Variants in CLEC2A observed in about 807,000 individuals in gnomAD.
CLEC2A encodes the protein keratinocyte-associated C-type lectin.
Under a neutral mutation model 18.6 loss-of-function variants are expected in CLEC2A, and 19 were observed. The ratio of observed to expected loss-of-function variants is 1.02; its 90% CI spans 0.71 to 1.50. The LOEUF (loss-of-function observed/expected upper bound fraction) is 1.50. Among genes scored for constraint, CLEC2A ranks in the 40% most tolerant of loss-of-function variants. The probability of loss-of-function intolerance (pLI) is 0.00; values close to 1 mark genes in which losing one functional copy is unlikely to be tolerated. For missense variants in CLEC2A, 190 were observed against 207.9 expected (o/e 0.91, Z 0.53); for synonymous variants, 74 against 64.0 (o/e 1.16, Z -0.75).
At chr12:9,910,839 C>T (rs80284879), downstream of CLEC2A, among the ~76,000 whole-genome samples, 179 of 152,192 alleles carry the variant, frequency 1.2e-3, 3 homozygotes, top group East Asian at 0.026. Context: ...GAGAGTGTGA[C>T]GCATCTCCTC....
downstream of CLEC2A, among the ~76,000 whole-genome samples, chr12:9,895,179 A>G (rs113772440): frequency 9.6e-3 from 1,465 of 152,300 alleles, 19 homozygotes; most frequent in African/African-American, 0.034. Flanking sequence ...AACTCACATC[A>G]TTATAGCATA....
chr12:9,891,975 T>C, the CLEC2A span, among the ~76,000 whole-genome samples: 4 of 152,208 alleles, frequency 2.6e-5, no homozygotes, highest in Admixed American at 6.5e-5. Context: ...TAAGCATTTA[T>C]TATATACAAA....
the CLEC2A span, among the ~76,000 whole-genome samples, chr12:9,885,737 T>C: frequency 3.9e-5 from 6 of 152,184 alleles, no homozygotes; most frequent in South Asian, 1.2e-3. Context: ...CTACTTAATG[T>C]ATTTTTTCTC....
At chr12:9,901,686 T>C (rs563942143) in intron 4 of CLEC2A, among the ~76,000 whole-genome samples, 2 of 152,288 alleles carry the variant, frequency 1.3e-5, no homozygotes, top group Admixed American at 6.5e-5. Flanking sequence ...TGAATTTTGA[T>C]TTTGGGAAGG....
chr12:9,921,769 A>C (rs1863176754), intron 3 of CLEC2A, among the ~76,000 whole-genome samples: 1 of 152,222 alleles, frequency 6.6e-6, no homozygotes, highest in Non-Finnish European at 1.5e-5. Context: ...TTATTAAGAA[A>C]ATCACAAGAA....
At chr12:9,904,674 G>A (rs888665976) in intron 4 of CLEC2A, among the ~76,000 whole-genome samples, 12 of 152,096 alleles carry the variant, frequency 7.9e-5, no homozygotes, top group Admixed American at 3.3e-4. Flanking sequence ...ATGGGGTCTC[G>A]TCCTGTAACA....
At chr12:9,897,914 A>G (rs1862775025), downstream of CLEC2A, among the ~76,000 whole-genome samples, 1 of 152,240 alleles carries the variant, frequency 6.6e-6, no homozygotes, top group Non-Finnish European at 1.5e-5. Context: ...TTGGTGGAAA[A>G]TAGACCAGGC....
chr12:9,901,926 A>T (rs377085395), intron 4 of CLEC2A, among the ~76,000 whole-genome samples: 1 of 152,294 alleles, frequency 6.6e-6, no homozygotes, highest in East Asian at 1.9e-4. Context: ...TCCTTCTTGA[A>T]TGTGGCCAAT....
intron 4 of CLEC2A, among the ~76,000 whole-genome samples, chr12:9,905,208 G>C (rs111476373): frequency 1.5e-3 from 228 of 152,332 alleles, no homozygotes; most frequent in African/African-American, 5.4e-3. Flanking sequence ...TTGTGGAAGT[G>C]TCTCCTTTCA....
At chr12:9,906,138 C>A (rs1862905791) in intron 4 of CLEC2A, among the ~76,000 whole-genome samples, 1 of 151,886 alleles carries the variant, frequency 6.6e-6, no homozygotes, top group African/African-American at 2.4e-5. Context: ...CCCCAGTGGG[C>A]CCCTTGATGC....
downstream of CLEC2A, among the ~76,000 whole-genome samples, chr12:9,894,373 G>A (rs566270412): frequency 2.0e-5 from 3 of 151,986 alleles, no homozygotes; most frequent in South Asian, 6.2e-4. Context: ...TGTAGAGACG[G>A]GGTTTTGCCA....
intron 2 of CLEC2A, among the ~76,000 whole-genome samples, chr12:9,924,574 A>G (rs1250043720): frequency 6.6e-6 from 1 of 152,264 alleles, no homozygotes; most frequent in East Asian, 1.9e-4. Flanking sequence ...CTATTTGGCC[A>G]TGGCTCAGGA....
chr12:9,907,884 A>G (rs1039081113), intron 4 of CLEC2A, among the ~76,000 whole-genome samples: 5 of 152,216 alleles, frequency 3.3e-5, no homozygotes, highest in Admixed American at 6.5e-5. Flanking sequence ...TTTTAAGTGT[A>G]TTACTGTAAA....
At chr12:9,909,560 C>T (rs1462401903), downstream of CLEC2A, among the ~76,000 whole-genome samples, 1 of 152,142 alleles carries the variant, frequency 6.6e-6, no homozygotes, top group Non-Finnish European at 1.5e-5. Flanking sequence ...TTTTTAAAGC[C>T]TGGAACTTCT....
chr12:9,930,038 A>G (rs1019696918), intron 1 of CLEC2A, among the ~76,000 whole-genome samples: 11 of 152,160 alleles, frequency 7.2e-5, no homozygotes, highest in African/African-American at 2.7e-4. Context: ...GGCTAAAATT[A>G]ACAGGAATGT....
At chr12:9,903,509 T>C (rs1171786250) in intron 4 of CLEC2A, among the ~76,000 whole-genome samples, 3 of 152,200 alleles carry the variant, frequency 2.0e-5, no homozygotes, top group African/African-American at 4.8e-5. Flanking sequence ...CAGGAAGACA[T>C]TGTGATGCTT....
chr12:9,888,565 C>A, the CLEC2A span, among the ~76,000 whole-genome samples: 1 of 151,784 alleles, frequency 6.6e-6, no homozygotes, highest in Non-Finnish European at 1.5e-5. Context: ...ACAGATATGG[C>A]GAAACGTAGT....
At chr12:9,925,239 G>A (rs531308433) in intron 2 of CLEC2A, among the ~76,000 whole-genome samples, 13 of 152,244 alleles carry the variant, frequency 8.5e-5, no homozygotes, top group South Asian at 8.3e-4. Context: ...TCTCAGGCCC[G>A]CAGAAAAACC....
chr12:9,920,270 C>A (rs1197205254), intron 3 of CLEC2A, among the ~76,000 whole-genome samples: 1 of 152,184 alleles, frequency 6.6e-6, no homozygotes, highest in Non-Finnish European at 1.5e-5. Flanking sequence ...GGAGTTTCAA[C>A]TACTTTTGCT....
Sources: allele counts gnomAD v4.1 joint callset (sites outside exome capture counted in the v4.1 genomes callset), GRCh38; gene constraint gnomAD v4.1.1; transcripts MANE v1.5; gene names NCBI Gene and HGNC (gene_info 2026-07-23, HGNC 2026-07-21).